The following VPS13B variants were observed in gnomAD, a reference collection of about 807,000 sequenced individuals.
VPS13B encodes the protein vacuolar protein sorting 13 homolog B.
VPS13B carries 285 observed loss-of-function variants against 426.4 expected under a neutral mutation model. That is an observed-to-expected ratio of 0.67 (90% CI 0.61 to 0.74). The LOEUF is 0.74. Ranked by LOEUF, VPS13B falls within the 30% of genes least tolerant of loss-of-function variation. The probability of loss-of-function intolerance (pLI) is 0.00; values close to 1 mark genes in which losing one functional copy is unlikely to be tolerated. For missense variants in VPS13B, 4,537 were observed against 4,782.6 expected (o/e 0.95, Z 1.51); for synonymous variants, 1,676 against 1,676.4 (o/e 1.00, Z 0.01).
At chr8:99,060,439 T>C (rs1159207153) in intron 3 of VPS13B, among the ~76,000 whole-genome samples, 3 of 151,934 alleles carry the variant, frequency 2.0e-5, no homozygotes, top group African/African-American at 4.8e-5. Flanking sequence ...CAAAACCCCA[T>C]CTCTACTAAA....
At chr8:99,696,754 C>G in intron 35 of VPS13B, 1 of 1,274,668 alleles carries the variant, frequency 7.8e-7, no homozygotes, top group Non-Finnish European at 1.1e-6. Flanking sequence ...GGGAGAGACC[C>G]AGCAATGAGG....
chr8:99,106,458 A>C (rs1284506268), intron 5 of VPS13B, among the ~76,000 whole-genome samples: 14 of 144,740 alleles, frequency 9.7e-5, no homozygotes, highest in African/African-American at 3.3e-4. Context: ...AAAAAAACCC[A>C]AAACAAACAA....
Position 99,857,548 on chromosome 8 carries a change from AAG to A in VPS13B, c.10868-1753_10868-1752del, listed in dbSNP as rs754337903. On this transcript the variant is annotated intron_variant, in intron 56 of 61. Transcript: ENST00000357162. ...CTTTGCAGCCTGAGCTCACAGAAGA[AAG>A]AGGTGGGTGAGCTTCAGAATTAGGA... 4.6e-5 allele frequency among the ~76,000 whole-genome samples: 7 copies of A among 152,294 alleles called. No homozygotes were observed. The South Asian group carries it at 1.5e-3, about 32-fold the overall frequency.
chr8:99,017,499 TA>T (rs1841681792), intron 2 of VPS13B, among the ~76,000 whole-genome samples: 2 of 151,094 alleles, frequency 1.3e-5, no homozygotes, highest in Admixed American at 6.6e-5. Context: ...TTTATTTTTT[TA>T]TTTTTATTTT....
intron 19 of VPS13B, among the ~76,000 whole-genome samples, chr8:99,374,495 TA>T (rs1171798361): frequency 6.6e-6 from 1 of 152,146 alleles, no homozygotes; most frequent in Non-Finnish European, 1.5e-5. Context: ...ATAATTCCAA[TA>T]TCTGGGCCAC....
At chr8:99,135,438 G>A (rs897308750) in intron 10 of VPS13B, among the ~76,000 whole-genome samples, 158 bp from the exon 11 acceptor site, 24 of 151,904 alleles carry the variant, frequency 1.6e-4, no homozygotes, top group African/African-American at 5.6e-4. Context: ...ATGATCTTTG[G>A]CAAAATAGTC....
chr8:99,875,887 T>TAACA lies in VPS13B; in HGVS notation c.*222_*225dup, dbSNP rs1482162205. On this transcript the variant is annotated 3_prime_UTR_variant, in exon 62 of 62. Coordinates refer to ENST00000357162, the MANE Select transcript of VPS13B (RefSeq NM_152564.5). Reference sequence around the variant, plus strand: ...TTTTTTTAAAAAGCCTAGGCAGCTCTAACATCATCTGATATGGACACAAGG... The same window carrying TAACA: ...TTTTTTTAAAAAGCCTAGGCAGCTCTAACAAACATCATCTGATATGGACACAAGG... 1.5e-5 allele frequency: 9 copies of TAACA among 586,636 alleles called. No homozygotes were observed. Among genetic ancestry groups the TAACA allele is most frequent in the East Asian group, 1.5e-4 (5 of 34,336 alleles). 36.3% of individuals were successfully genotyped at this position (586,636 alleles called of 1,614,324 possible).
chr8:99,053,280 T>C lies in VPS13B; in HGVS notation c.291+14714T>C, dbSNP rs1843659968. Among the ~76,000 whole-genome samples, 3 of 152,118 alleles carry C rather than the reference T, an allele frequency of 2.0e-5. No individual in the cohort carries two copies. In the South Asian group the frequency reaches 6.2e-4, roughly 32 times the overall value. On this transcript the variant is annotated intron_variant, in intron 3 of 61. Coordinates refer to ENST00000357162, the MANE Select transcript of VPS13B (RefSeq NM_152564.5). ...GCATTAGGTATATCTCCTAATGCTA[T>C]CCCTCCCCGCTCCCCGCACCCCACA... is the stretch of plus-strand genomic sequence containing the variant.
chr8:99,184,548 T>G (rs1358572436), intron 16 of VPS13B, among the ~76,000 whole-genome samples: 4 of 152,240 alleles, frequency 2.6e-5, no homozygotes, highest in African/African-American at 9.6e-5. Context: ...GCAGCTTTTC[T>G]TATATTTTCC....
At chr8:99,595,347 A>G (rs1826954837) in intron 33 of VPS13B, among the ~76,000 whole-genome samples, 1 of 151,930 alleles carries the variant, frequency 6.6e-6, no homozygotes, top group Non-Finnish European at 1.5e-5. Flanking sequence ...TTGATTTTTG[A>G]CAAGGTAGTC....
Position 99,556,447 on chromosome 8 carries a change from C to T in VPS13B, c.4746-3C>T. ...ATTTTTGTTTTTTTCGCTGCCTTTA[C>T]AGGAGAGCCTTGAACTTAGGAATTC... On this transcript the variant is annotated splice_region_variant and splice_polypyrimidine_tract_variant and intron_variant, in intron 30 of 61. Transcript: ENST00000357162. 1.9e-6 allele frequency: 3 copies of T among 1,612,222 alleles called. No individual in the cohort carries two copies. Among genetic ancestry groups the T allele is most frequent in the Non-Finnish European group, 2.5e-6 (3 of 1,179,296 alleles).
Position 99,121,360 on chromosome 8 carries a change from C to A in VPS13B, c.1121C>A (p.Thr374Asn). 1 of 1,614,148 alleles carries A rather than the reference C, an allele frequency of 6.2e-7. No individual in the cohort carries two copies. The highest frequency in any genetic ancestry group is 8.5e-7 in the Non-Finnish European group (1 of 1,180,018). Residue 374 changes from threonine to asparagine, a missense_variant, in exon 8 of 62, where the codon ACC becomes AAC. Physicochemically the swap from Thr to Asn is moderately conservative, Grantham distance 65 (BLOSUM62 0). Coordinates refer to ENST00000357162, the MANE Select transcript of VPS13B (RefSeq NM_152564.5). ...EDFVGNDPAS[T>N]MHQQKAQTLK... ...TTTGTTGGGAACGATCCTGCATCAA[C>A]CATGCATCAACAAAAAGCACAGACT...
At chr8:99,868,113 A>G in intron 58 of VPS13B, 176 bp from the exon 59 acceptor site, 5 of 711,338 alleles carry the variant, frequency 7.0e-6, no homozygotes, top group Non-Finnish European at 1.2e-5. Flanking sequence ...TGACGATAAT[A>G]AATGTCTACT....
intron 43 of VPS13B, among the ~76,000 whole-genome samples, chr8:99,793,285 A>ATATATATATATATATATATATATATAT (rs1812655534): frequency 6.9e-6 from 1 of 143,998 alleles, no homozygotes; most frequent in Non-Finnish European, 1.5e-5. Context: ...ATATATATAT[A>ATATATATATATATATATATATATATAT]AAATACATGA....
At chr8:99,356,233 A>G (rs919971377) in intron 19 of VPS13B, among the ~76,000 whole-genome samples, 1 of 152,192 alleles carries the variant, frequency 6.6e-6, no homozygotes, top group South Asian at 2.1e-4. Context: ...CTATAAAATA[A>G]TATCTCAAAG....
chr8:99,701,997 A>C (rs934117316), intron 36 of VPS13B, among the ~76,000 whole-genome samples: 6 of 152,148 alleles, frequency 3.9e-5, no homozygotes, highest in Non-Finnish European at 8.8e-5. Flanking sequence ...TTTTTAAAAT[A>C]AAACATAACT....
At chr8:99,829,673 G>C (rs909742466) in intron 51 of VPS13B, among the ~76,000 whole-genome samples, 10 of 152,202 alleles carry the variant, frequency 6.6e-5, no homozygotes, top group Non-Finnish European at 1.2e-4. Context: ...AGGAGAAGAG[G>C]CATTCTGGTT....
chr8:99,742,507 G>A (rs1809797101), intron 39 of VPS13B, among the ~76,000 whole-genome samples: 1 of 152,124 alleles, frequency 6.6e-6, no homozygotes, highest in South Asian at 2.1e-4. Flanking sequence ...CCAAAGCCTG[G>A]CAGAGACACA....
At chr8:99,071,151 ATGTT>A (rs1457711291) in intron 3 of VPS13B, among the ~76,000 whole-genome samples, 2 of 151,594 alleles carry the variant, frequency 1.3e-5, no homozygotes, top group Non-Finnish European at 2.9e-5. Context: ...ATGCCTGTGG[ATGTT>A]TGTTGGTTTT....
Sources: allele counts gnomAD v4.1 joint callset (sites outside exome capture counted in the v4.1 genomes callset), GRCh38; gene constraint gnomAD v4.1.1; transcripts MANE v1.5; gene names NCBI Gene and HGNC (gene_info 2026-07-23, HGNC 2026-07-21).